Variants in ZNF69 observed in about 807,000 individuals in gnomAD.
ZNF69 encodes ZNF3.
Under a neutral mutation model 50.9 loss-of-function variants are expected in ZNF69, and 47 were observed. The observed-to-expected ratio is 0.92, with a 90% confidence interval of 0.73 to 1.18. The LOEUF is 1.18. Ranked by LOEUF, ZNF69 falls within the 50% of genes most tolerant of loss-of-function variation. The probability of loss-of-function intolerance (pLI) is 0.00; values close to 1 mark genes in which losing one functional copy is unlikely to be tolerated. For synonymous variants in ZNF69, 216 were observed against 223.1 expected (o/e 0.97, Z 0.29); for missense variants, 717 against 675.1 (o/e 1.06, Z -0.69).
the ZNF69 span, among the ~76,000 whole-genome samples, chr19:11,960,583 C>T: frequency 6.6e-6 from 1 of 150,836 alleles, no homozygotes; most frequent in Non-Finnish European, 1.5e-5. Flanking sequence ...CATGATCCAC[C>T]ACGCTCAGCA....
downstream of ZNF69, among the ~76,000 whole-genome samples, chr19:11,916,935 T>C (rs1040173523): frequency 1.3e-5 from 2 of 152,236 alleles, no homozygotes; most frequent in Non-Finnish European, 2.9e-5. Context: ...TTACTCTTTT[T>C]CTATCCATGT....
chr19:11,943,608 C>T, the ZNF69 span, among the ~76,000 whole-genome samples: 6 of 152,090 alleles, frequency 3.9e-5, no homozygotes, highest in African/African-American at 4.8e-5. Context: ...CACATCAGGT[C>T]GGGCATTTCC....
At chr19:11,896,907 A>G (rs374637443) in intron 1 of ZNF69, among the ~76,000 whole-genome samples, 7 of 152,328 alleles carry the variant, frequency 4.6e-5, no homozygotes, top group East Asian at 1.9e-4. Flanking sequence ...ACGTTACATC[A>G]TAGTGCTATT....
Position 11,903,700 on chromosome 19 carries a change from G to A in ZNF69, c.190+1G>A, listed in dbSNP as rs1292147524. 2 of 1,613,922 alleles carry A rather than the reference G, an allele frequency of 1.2e-6. No individual in the cohort carries two copies. Among genetic ancestry groups the A allele is most frequent in the Non-Finnish European group, 1.7e-6 (2 of 1,179,920 alleles). On this transcript the variant is annotated splice_donor_variant, in intron 2 of 3. Transcript: ENST00000429654. LOFTEE classifies it high-confidence loss of function. The stretch of plus-strand genomic sequence containing the variant: ...ACTTTCAGGAACCTGACCTCTGTAG[G>A]TAAGGATGACATATTCCTTCCCTCA...
At chr19:11,927,397 C>G in the ZNF69 span, among the ~76,000 whole-genome samples, 1 of 149,592 alleles carries the variant, frequency 6.7e-6, no homozygotes, top group African/African-American at 2.5e-5. Flanking sequence ...CCAACCTGGC[C>G]AACACAGCGA....
At chr19:11,958,558 GA>G in the ZNF69 span, among the ~76,000 whole-genome samples, 6 of 152,228 alleles carry the variant, frequency 3.9e-5, no homozygotes, top group African/African-American at 1.4e-4. Flanking sequence ...GGTGGGCATT[GA>G]GACCCCGGTG....
rs1477931539 is a variant in ZNF69 at position 11,904,690 on chromosome 19, G to C, written c.293G>C (p.Ser98Thr). The C allele has an allele frequency of 1.9e-6, 3 of 1,613,802 alleles. No homozygotes were observed. The highest frequency in any genetic ancestry group is 2.5e-6 in the Non-Finnish European group (3 of 1,179,840). The change falls in exon 4 of 4, where the codon AGT becomes ACT. Residue 98 changes from serine (S) to threonine (T), a missense_variant. Transcript: ENST00000429654. ...EKKVNEIKDD[S>T]HCGETFTQVP... ...AAAGTCAATGAAATTAAAGATGACA[G>C]TCATTGTGGAGAAACTTTTACCCAG...
At chr19:11,965,343 T>G in the ZNF69 span, 5 of 1,286,344 alleles carry the variant, frequency 3.9e-6, no homozygotes, top group Non-Finnish European at 5.5e-6. Context: ...CTGGAGCTGC[T>G]CGGCCCTCGG....
the ZNF69 span, chr19:11,947,523 G>T: frequency 5.6e-6 from 9 of 1,612,274 alleles, no homozygotes; most frequent in Non-Finnish European, 7.6e-6. Context: ...GGAAAAAAAT[G>T]GAGTGACCAG....
the ZNF69 span, among the ~76,000 whole-genome samples, chr19:11,954,051 AAAC>A: frequency 6.6e-6 from 1 of 152,196 alleles, no homozygotes; most frequent in Admixed American, 6.5e-5. Flanking sequence ...CAAGGTGAAA[AAAC>A]AGGAAAAAAA....
chr19:11,903,045 G>C (rs1972279221), intron 1 of ZNF69, among the ~76,000 whole-genome samples: 1 of 152,178 alleles, frequency 6.6e-6, no homozygotes. Flanking sequence ...GCTGAGGCAT[G>C]AGAATTGCAT....
chr19:11,901,973 A>ATTT (rs1972253823), intron 1 of ZNF69, among the ~76,000 whole-genome samples: 2 of 114,924 alleles, frequency 1.7e-5, no homozygotes, highest in African/African-American at 6.7e-5. Context: ...CCAAGATGTT[A>ATTT]TTTTCTTTTT....
chr19:11,949,763 G>T, the ZNF69 span: 1 of 1,602,250 alleles, frequency 6.2e-7, no homozygotes, highest in Admixed American at 1.7e-5. Context: ...TCACACCTTC[G>T]AATGCATGAA....
chr19:11,895,502 G>A (rs954416108), intron 1 of ZNF69, among the ~76,000 whole-genome samples: 12 of 152,180 alleles, frequency 7.9e-5, no homozygotes, highest in Admixed American at 6.5e-4. Flanking sequence ...TGATTAAGAG[G>A]TGGTCTGTAC....
chr19:11,894,837 T>C (rs1051842137), intron 1 of ZNF69, among the ~76,000 whole-genome samples: 5 of 152,104 alleles, frequency 3.3e-5, no homozygotes, highest in African/African-American at 1.2e-4. Flanking sequence ...AAAGGAGAAA[T>C]GATTCCTGTC....
At chr19:11,948,405 C>A in the ZNF69 span, 4 of 1,614,052 alleles carry the variant, frequency 2.5e-6, no homozygotes, top group Admixed American at 3.3e-5. Flanking sequence ...AATCATGTGA[C>A]AGCTTTGTGT....
the ZNF69 span, among the ~76,000 whole-genome samples, chr19:11,955,209 T>C: frequency 3.3e-5 from 5 of 151,730 alleles, no homozygotes; most frequent in Admixed American, 3.3e-4. Context: ...TTCACCATAT[T>C]GGGTAAGCTG....
rs988757947 is a variant in ZNF69 at position 11,893,789 on chromosome 19, T to G, written c.63+5803T>G. 7.2e-5 allele frequency among the ~76,000 whole-genome samples: 11 copies of G among 152,230 alleles called. No homozygotes were observed. The East Asian group carries it at 1.9e-3, about 27-fold the overall frequency. ...GTGGTGGAGGAGATGCCTGGTATAC[T>G]CTTCATCTACATAACCAATTCTTGG... is the stretch of plus-strand genomic sequence containing the variant. On this transcript the variant is annotated intron_variant, in intron 1 of 3. Transcript: ENST00000429654.
the ZNF69 span, among the ~76,000 whole-genome samples, chr19:11,957,090 A>ACTTTTTT: frequency 7.2e-6 from 1 of 138,950 alleles, no homozygotes; most frequent in Non-Finnish European, 1.6e-5. Flanking sequence ...GTAAGAAATA[A>ACTTTTTT]GTTTTTTTTT....
Sources: gnomAD v4.1 joint callset for allele counts (sites outside exome capture counted in the v4.1 genomes callset) on GRCh38, gnomAD v4.1.1 for gene constraint, MANE v1.5 for transcripts, NCBI Gene and HGNC (gene_info 2026-07-23, HGNC 2026-07-21) for gene names.